The following SORCS3 variants were observed in gnomAD, a reference collection of about 807,000 sequenced individuals.
The protein encoded by SORCS3 is sortilin related VPS10 domain containing receptor 3.
In SORCS3, 57 loss-of-function variants were observed where a neutral mutation model predicts 146.3. That is an observed-to-expected ratio of 0.39 (90% CI 0.31 to 0.49). The LOEUF is 0.49. Ranked by LOEUF, SORCS3 falls within the 20% of genes least tolerant of loss-of-function variation. The pLI is 0.92. For missense variants in SORCS3, 1,341 were observed against 1,575.5 expected (o/e 0.85, Z 2.52); for synonymous variants, 653 against 618.5 (o/e 1.06, Z -0.83).
chr10:105,064,581 G>C (rs537870975), intron 5 of SORCS3, among the ~76,000 whole-genome samples: 4 of 151,482 alleles, frequency 2.6e-5, no homozygotes, highest in Middle Eastern at 3.4e-3. Flanking sequence ...GAGGCCGAAG[G>C]CTTGAGAACC....
At chr10:105,165,178 C>T (rs562849892) in intron 12 of SORCS3, among the ~76,000 whole-genome samples, 1 of 152,078 alleles carries the variant, frequency 6.6e-6, no homozygotes, top group African/African-American at 2.4e-5. Context: ...CTTTGGAGTC[C>T]CTTTCCTTAA....
chr10:104,836,899 AG>A (rs2018075484), intron 1 of SORCS3, among the ~76,000 whole-genome samples: 1 of 152,198 alleles, frequency 6.6e-6, no homozygotes, highest in South Asian at 2.1e-4. Context: ...AAGAAAAAAA[AG>A]AAATAAAGCA....
At chr10:105,188,017 G>T (rs1429567482) in intron 14 of SORCS3, among the ~76,000 whole-genome samples, 2 of 152,098 alleles carry the variant, frequency 1.3e-5, no homozygotes, top group Non-Finnish European at 2.9e-5. Context: ...TGGTGGTGGT[G>T]TGTGTAACTG....
chr10:105,134,998 G>A (rs959865892), intron 7 of SORCS3, among the ~76,000 whole-genome samples: 2 of 151,790 alleles, frequency 1.3e-5, no homozygotes, highest in Non-Finnish European at 2.9e-5. Context: ...GGAGAGGTAT[G>A]GGACAGTCAT....
chr10:104,870,569 A>C (rs1476853878), intron 2 of SORCS3, among the ~76,000 whole-genome samples: 3 of 152,206 alleles, frequency 2.0e-5, no homozygotes, highest in African/African-American at 7.2e-5. Flanking sequence ...GACTAGGGAA[A>C]GGATGATGGA....
intron 2 of SORCS3, among the ~76,000 whole-genome samples, chr10:104,892,219 T>C (rs2018756107): frequency 6.6e-6 from 1 of 152,208 alleles, no homozygotes; most frequent in African/African-American, 2.4e-5. Flanking sequence ...TTAATAGTAA[T>C]GGACTAGCTC....
intron 4 of SORCS3, among the ~76,000 whole-genome samples, chr10:104,994,799 C>T (rs80126900): frequency 0.054 from 8,145 of 152,108 alleles, 245 homozygotes; most frequent in Middle Eastern, 0.082. Flanking sequence ...TTTATTGTTT[C>T]GCTGATAATA....
intron 14 of SORCS3, among the ~76,000 whole-genome samples, chr10:105,186,605 G>A (rs575439606): frequency 1.3e-5 from 2 of 152,008 alleles, no homozygotes; most frequent in South Asian, 2.1e-4. Flanking sequence ...TATCTTAACC[G>A]GGTGCGGTGG....
At chr10:105,051,041 C>G (rs978096436) in intron 5 of SORCS3, among the ~76,000 whole-genome samples, 1 of 152,124 alleles carries the variant, frequency 6.6e-6, no homozygotes, top group Admixed American at 6.6e-5. Flanking sequence ...TATCCTCAAC[C>G]TGAGTGAGGC....
At chr10:104,816,171 G>A (rs537771461) in intron 1 of SORCS3, among the ~76,000 whole-genome samples, 1 of 152,162 alleles carries the variant, frequency 6.6e-6, no homozygotes, top group African/African-American at 2.4e-5. Context: ...TCCCTGGCAG[G>A]TCTGGGCCAG....
intron 1 of SORCS3, among the ~76,000 whole-genome samples, chr10:104,696,662 A>G (rs2016214248): frequency 1.0e-4 from 1 of 9,952 alleles, no homozygotes; most frequent in Non-Finnish European, 2.1e-4. Context: ...ATATACGTAT[A>G]TATAATATAT....
At chr10:105,190,060 A>G (rs964311610) in intron 14 of SORCS3, among the ~76,000 whole-genome samples, 1 of 152,224 alleles carries the variant, frequency 6.6e-6, no homozygotes, top group Non-Finnish European at 1.5e-5. Context: ...CAAACAGGCT[A>G]TTAGGAGCTG....
intron 1 of SORCS3, among the ~76,000 whole-genome samples, chr10:104,796,933 G>C (rs2017563376): frequency 6.6e-6 from 1 of 152,208 alleles, no homozygotes; most frequent in South Asian, 2.1e-4. Context: ...AAAGCGGCAT[G>C]TAAATGCCTC....
chr10:105,041,024 T>C (rs891880830), intron 4 of SORCS3, among the ~76,000 whole-genome samples: 3 of 147,600 alleles, frequency 2.0e-5, no homozygotes, highest in African/African-American at 7.4e-5. Flanking sequence ...GCATATTCAT[T>C]TTATATACAT....
intron 20 of SORCS3, among the ~76,000 whole-genome samples, chr10:105,239,389 A>C (rs1457478697): frequency 6.6e-6 from 1 of 152,236 alleles, no homozygotes; most frequent in Non-Finnish European, 1.5e-5. Context: ...TTTAAAGTGT[A>C]CAATATTAAC....
chr10:104,703,882 G>A (rs1043128470), intron 1 of SORCS3, among the ~76,000 whole-genome samples: 1 of 152,132 alleles, frequency 6.6e-6, no homozygotes, highest in African/African-American at 2.4e-5. Context: ...AAAAATTAGA[G>A]TGTAGGAGGA....
chr10:105,166,847 C>T (rs555730675), intron 12 of SORCS3, among the ~76,000 whole-genome samples: 2 of 152,224 alleles, frequency 1.3e-5, no homozygotes, highest in South Asian at 4.1e-4. Flanking sequence ...AAAACACAGA[C>T]TATTGACAAA....
intron 1 of SORCS3, among the ~76,000 whole-genome samples, chr10:104,710,709 G>T (rs933310864): frequency 1.4e-5 from 2 of 147,904 alleles, no homozygotes; most frequent in African/African-American, 2.5e-5. Flanking sequence ...GTCCTGAACT[G>T]AATATTCTGT....
chr10:104,835,676 A>G (rs2018058013), intron 1 of SORCS3, among the ~76,000 whole-genome samples: 1 of 152,138 alleles, frequency 6.6e-6, no homozygotes, highest in Non-Finnish European at 1.5e-5. Flanking sequence ...CAGGTGAGAG[A>G]ACACTGGCTC....
Sources: allele counts gnomAD v4.1 joint callset (sites outside exome capture counted in the v4.1 genomes callset), GRCh38; gene constraint gnomAD v4.1.1; transcripts MANE v1.5; gene names NCBI Gene and HGNC (gene_info 2026-07-23, HGNC 2026-07-21).